Variants in STEAP2 observed in about 807,000 individuals in gnomAD.
STEAP2 encodes STEAP2 metalloreductase.
Under a neutral mutation model 46.4 loss-of-function variants are expected in STEAP2, and 30 were observed. The observed-to-expected ratio is 0.65, with a 90% CI of 0.48 to 0.88. The LOEUF (loss-of-function observed/expected upper bound fraction) is 0.88. Among genes scored for constraint, STEAP2 ranks in the 40% least tolerant of loss-of-function variants. STEAP2 has a pLI of 0.00. For synonymous variants in STEAP2, 180 were observed against 200.5 expected (o/e 0.90, Z 0.86); for missense variants, 513 against 579.3 (o/e 0.89, Z 1.18).
intron 2 of STEAP2, 48 bp from the exon 3 acceptor site, chr7:90,225,002 A>G (rs752992764): frequency 2.7e-6 from 4 of 1,475,818 alleles, no homozygotes; most frequent in Non-Finnish European, 3.7e-6. Context: ...AAGTGTTTTA[A>G]TGTTCAGTAA....
At chr7:90,212,740 T>G (rs1201344162) in intron 1 of STEAP2, among the ~76,000 whole-genome samples, 3 of 152,098 alleles carry the variant, frequency 2.0e-5, no homozygotes, top group Non-Finnish European at 4.4e-5. Flanking sequence ...GGGCAGTTAG[T>G]TTTTTAGATG....
Position 90,225,010 on chromosome 7 carries a change from T to C in STEAP2, c.-33-40T>C, listed in dbSNP as rs756220888. On this transcript the variant is annotated intron_variant, in intron 2 of 5. Coordinates refer to ENST00000394621, the MANE Select transcript of STEAP2 (RefSeq NM_001244944.2). The stretch of plus-strand genomic sequence containing the variant: ...TGTCTAGAAGTGTTTTAATGTTCAG[T>C]AATAGGTAACTGATGACCATTTTAT... 1.1e-4 allele frequency: 163 copies of C among 1,519,506 alleles called. 1 individual carries two copies. The South Asian group carries it at 1.6e-3, about 15-fold the overall frequency. The allele number at this position is 1,519,506 out of a possible 1,614,324, so 94.1% of individuals were successfully genotyped here. A position where few individuals can be genotyped will look rare whatever the true frequency, so the allele number is the denominator to read the frequency against.
Position 90,236,701 on chromosome 7 carries a change from T to A in STEAP2, c.*4077T>A. On this transcript the variant is annotated 3_prime_UTR_variant, in exon 6 of 6. Coordinates refer to ENST00000394621, the MANE Select transcript of STEAP2 (RefSeq NM_001244944.2). The stretch of plus-strand genomic sequence containing the variant: ...TTACTAAAAAATGTTTTGTTCAGCC[T>A]AACATACTGAGTTTTTTTTAACTTT... 2 of 1,391,054 alleles carry A rather than the reference T, an allele frequency of 1.4e-6. No individual in the cohort carries two copies. Among genetic ancestry groups the A allele is most frequent in the South Asian group, 3.4e-5 (2 of 59,392 alleles). 86.2% of individuals were successfully genotyped at this position (1,391,054 alleles called of 1,614,324 possible).
chr7:90,225,916 A>G (rs1005950550), intron 3 of STEAP2, among the ~76,000 whole-genome samples: 42 of 152,230 alleles, frequency 2.8e-4, no homozygotes, highest in African/African-American at 9.2e-4. Context: ...ATTACAATTA[A>G]GCATGATTAT....
Position 90,229,885 on chromosome 7 carries a change from T to C in STEAP2, c.1034T>C (p.Ile345Thr). The change falls in exon 5 of 6, where the codon ATT (isoleucine) becomes ACT (threonine). Residue 345 changes from isoleucine to threonine, a missense_variant. Transcript: ENST00000394621. Reference protein sequence around the residue: ...NMAYQQVHANIENSWNEEEVW... With the variant: ...NMAYQQVHANTENSWNEEEVW... ...CTTTCTTGTTAGGTTCATGCAAATA[T>C]TGAAAACTCTTGGAATGAGGAAGAA... The C allele has an allele frequency of 1.2e-6, 2 of 1,612,600 alleles. No homozygotes were observed. The highest frequency in any genetic ancestry group is 8.5e-7 in the Non-Finnish European group (1 of 1,179,234).
chr7:90,213,548 G>GTT (rs1794899543), intron 1 of STEAP2, among the ~76,000 whole-genome samples: 1 of 152,034 alleles, frequency 6.6e-6, no homozygotes, highest in Non-Finnish European at 1.5e-5. Flanking sequence ...ACCCCTTAAG[G>GTT]GCCCACATGT....
chr7:90,239,703 A>T (rs571135865), downstream of STEAP2, among the ~76,000 whole-genome samples: 54 of 152,022 alleles, frequency 3.6e-4, no homozygotes, highest in Admixed American at 1.4e-3. Context: ...TCTTCTTTTA[A>T]TTTTTTTTAC....
At chr7:90,223,102 CTG>C (rs1416372352) in intron 2 of STEAP2, among the ~76,000 whole-genome samples, 1 of 152,192 alleles carries the variant, frequency 6.6e-6, no homozygotes, top group Non-Finnish European at 1.5e-5. Context: ...GGAAGAATAA[CTG>C]CATCATAGTT....
chr7:90,218,531 T>A (rs1265103386), intron 2 of STEAP2, among the ~76,000 whole-genome samples: 1 of 152,196 alleles, frequency 6.6e-6, no homozygotes, highest in Non-Finnish European at 1.5e-5. Context: ...GGATATCCTT[T>A]CCTCAGTGTA....
chr7:90,222,921 G>A (rs990116122), intron 2 of STEAP2, among the ~76,000 whole-genome samples: 4 of 152,094 alleles, frequency 2.6e-5, no homozygotes, highest in African/African-American at 4.8e-5. Flanking sequence ...TCTGCTATGA[G>A]CATAGAAGAA....
intron 4 of STEAP2, among the ~76,000 whole-genome samples, chr7:90,229,193 T>C (rs111261508): frequency 3.3e-5 from 5 of 152,186 alleles, no homozygotes; most frequent in African/African-American, 1.2e-4. Context: ...CTGACTTGAT[T>C]ATATACACAT....
rs746397731 is a variant in STEAP2 at position 90,225,243 on chromosome 7, A to G, written c.161A>G (p.Tyr54Cys). 11 of 1,614,072 alleles carry G rather than the reference A, an allele frequency of 6.8e-6. No homozygotes were observed. The highest frequency in any genetic ancestry group is 1.7e-5 in the Admixed American group (1 of 59,976). ...ACCATTCGACTTATTAGATGCGGCT[A>G]TCATGTGGTCATAGGAAGTAGAAAT... ...SLTIRLIRCG[Y>C]HVVIGSRNPK... The change falls in exon 3 of 6, where the codon TAT (tyrosine) becomes TGT (cysteine). Residue 54 changes from tyrosine to cysteine, a missense_variant. Transcript: ENST00000394621.
Position 90,235,603 on chromosome 7 carries a change from T to C in STEAP2, c.*2979T>C, listed in dbSNP as rs944967783. 133 of 961,894 alleles carry C rather than the reference T, an allele frequency of 1.4e-4. No individual in the cohort carries two copies. Among genetic ancestry groups the C allele is most frequent in the Non-Finnish European group, 1.6e-4 (132 of 821,366 alleles). The allele number at this position is 961,894 out of a possible 1,614,324, so 59.6% of individuals were successfully genotyped here. On this transcript the variant is annotated 3_prime_UTR_variant, in exon 6 of 6. Coordinates refer to ENST00000394621, the MANE Select transcript of STEAP2 (RefSeq NM_001244944.2). Reference sequence around the variant, plus strand: ...AAAAGAATGTAGAAAAGATACTCAGTCTTAATCCTATGCAAAAAAAAAAAT... The same window carrying C: ...AAAAGAATGTAGAAAAGATACTCAGCCTTAATCCTATGCAAAAAAAAAAAT...
chr7:90,227,847 G>A (rs1195319643), intron 4 of STEAP2, among the ~76,000 whole-genome samples: 1 of 151,986 alleles, frequency 6.6e-6, no homozygotes, highest in Non-Finnish European at 1.5e-5. Context: ...AAAATGATGA[G>A]GCAATTCTCA....
Position 90,236,850 on chromosome 7 carries a change from G to A in STEAP2, c.*4226G>A. 6.2e-7 allele frequency: 1 copy of A among 1,609,012 alleles called. No individual in the cohort carries two copies. Among genetic ancestry groups the A allele is most frequent in the Non-Finnish European group, 8.5e-7 (1 of 1,177,594 alleles). ...GATGCTTTTGTATGATCTCCAAATT[G>A]CCAACTTTAAGGAAATATTCTCTTG... is the stretch of plus-strand genomic sequence containing the variant. On this transcript the variant is annotated 3_prime_UTR_variant, in exon 6 of 6. Coordinates refer to ENST00000394621, the MANE Select transcript of STEAP2 (RefSeq NM_001244944.2).
chr7:90,220,071 A>C lies in STEAP2; in HGVS notation c.-34+3468A>C, dbSNP rs1478877585. Among the ~76,000 whole-genome samples, 3 of 152,168 alleles carry C rather than the reference A, an allele frequency of 2.0e-5. No individual in the cohort carries two copies. The South Asian group carries it at 6.2e-4, about 31-fold the overall frequency. On this transcript the variant is annotated intron_variant, in intron 2 of 5. Coordinates refer to ENST00000394621, the MANE Select transcript of STEAP2 (RefSeq NM_001244944.2). ...GTTGAGAGTTTTTGTATCTGTGCTC[A>C]TCAGGAATAATAGTATGTAGTTTTC... is the stretch of plus-strand genomic sequence containing the variant.
In STEAP2 at chr7:90,236,616, CT is replaced by C. The variant is rs1318964500; in HGVS notation, c.*4001del. ...TTTACATGAATGAATGGGTTCTTCA[CT>C]TTTTTTTTAGTATGAGAAAATTATA... On this transcript the variant is annotated 3_prime_UTR_variant, in exon 6 of 6. Transcript: ENST00000394621. The C allele has an allele frequency of 3.6e-4, 405 of 1,129,952 alleles. No individual in the cohort carries two copies. Among genetic ancestry groups the C allele is most frequent in the East Asian group, 1.6e-3 (29 of 18,116 alleles). The allele number at this position is 1,129,952 out of a possible 1,614,324, so 70.0% of individuals were successfully genotyped here.
the STEAP2 span, among the ~76,000 whole-genome samples, chr7:90,243,182 T>A: frequency 6.6e-6 from 1 of 152,268 alleles, no homozygotes; most frequent in South Asian, 2.1e-4. Context: ...GGGCCAGAAA[T>A]ATTCAACGTC....
In STEAP2 at chr7:90,225,065, C is replaced by G. The variant is rs1562806590; in HGVS notation, c.-18C>G. On this transcript the variant is annotated 5_prime_UTR_variant, in exon 3 of 6. In the 5' UTR this introduces an upstream ATG that the reference lacks. Coordinates refer to ENST00000394621, the MANE Select transcript of STEAP2 (RefSeq NM_001244944.2). ...TCTCCCCTAGGATATTCTTGGTGATCTTGGAAGTGTCCGTATCATGGAATC... is the reference window on the plus strand; with the variant it reads ...TCTCCCCTAGGATATTCTTGGTGATGTTGGAAGTGTCCGTATCATGGAATC... 4 of 1,607,170 alleles carry G rather than the reference C, an allele frequency of 2.5e-6. No individual in the cohort carries two copies. In the Admixed American group the frequency reaches 5.1e-5, roughly 20 times the overall value.
Sources: gnomAD v4.1 joint callset for allele counts (sites outside exome capture counted in the v4.1 genomes callset) on GRCh38, gnomAD v4.1.1 for gene constraint, MANE v1.5 for transcripts, NCBI Gene and HGNC (gene_info 2026-07-23, HGNC 2026-07-21) for gene names.